TMEM164: variants seen among roughly 807,000 people sequenced by gnomAD.
TMEM164 encodes the protein RP13-360B22.2.
TMEM164 carries 4 observed loss-of-function variants against 18.8 expected under a neutral mutation model. That is an observed-to-expected ratio of 0.21 (90% confidence interval 0.10 to 0.49). The LOEUF is 0.49. Among genes scored for constraint, TMEM164 ranks in the 20% least tolerant of loss-of-function variants. The pLI is 0.98. For synonymous variants in TMEM164, 86 were observed against 101.7 expected (o/e 0.85, Z 0.93); for missense variants, 108 against 239.9 (o/e 0.45, Z 3.63).
Position 110,176,300 on chromosome X carries a change from C to T in TMEM164, c.*2849C>T. 3 of 756,247 alleles carry T rather than the reference C, an allele frequency of 4.0e-6. No homozygotes were observed. Among genetic ancestry groups the T allele is most frequent in the East Asian group, 1.5e-4 (1 of 6,637 alleles). The allele number at this position is 756,247 out of a possible 1,213,427, so 62.3% of individuals were successfully genotyped here. ...AGACCCAGTCACGCCTGCTTCTGGT[C>T]CTCCCTGCCCTCAGTATTTGGTTTT... On this transcript the variant is annotated 3_prime_UTR_variant, in exon 7 of 7. Coordinates refer to ENST00000372068, the MANE Select transcript of TMEM164 (RefSeq NM_032227.4).
rs1344666546 is a variant in TMEM164, at chrX:110,149,145, T to C, written c.586+4269T>C. Among the ~76,000 whole-genome samples, 3 of 110,999 alleles carry C rather than the reference T, an allele frequency of 2.7e-5. No homozygotes were observed. In the Admixed American group the frequency reaches 2.9e-4, roughly 11 times the overall value. ...AGAAGCCCCATAATATCCATGAGAT[T>C]GTGGCTTTGATTTACTGGTTATCTA... On this transcript the variant is annotated intron_variant, in intron 5 of 6. Coordinates refer to ENST00000372068, the MANE Select transcript of TMEM164 (RefSeq NM_032227.4).
At chrX:110,043,517 G>A (rs1935184122) in intron 2 of TMEM164, among the ~76,000 whole-genome samples, 2 of 111,814 alleles carry the variant, frequency 1.8e-5, no homozygotes, top group African/African-American at 3.3e-5. Flanking sequence ...TATAAACAGA[G>A]TAGACTACTT....
At chrX:110,060,266 G>GA (rs140796343) in intron 2 of TMEM164, among the ~76,000 whole-genome samples, 936 of 51,411 alleles carry the variant, frequency 0.018, 28 homozygotes, top group African/African-American at 0.06. Flanking sequence ...GACCCTGTCT[G>GA]AAAAAAAAAA....
intron 3 of TMEM164, among the ~76,000 whole-genome samples, chrX:110,092,323 G>T (rs759244264): frequency 9.0e-6 from 1 of 111,725 alleles, no homozygotes. Flanking sequence ...TCACAATATC[G>T]ATACTTCCTA....
Position 110,004,165 on chromosome X carries a change from G to T in TMEM164, c.390+1G>T. 1 of 1,188,679 alleles carries T rather than the reference G, an allele frequency of 8.4e-7. No homozygotes were observed. On this transcript the variant is annotated splice_donor_variant, in intron 2 of 6. Transcript: ENST00000372068. LOFTEE classifies it high-confidence loss of function. The stretch of plus-strand genomic sequence containing the variant: ...CTGTCACCTGGTCACCATGATGCAT[G>T]TGAGTCTGTTGACTTTTTCCTGGGC...
At chrX:110,021,505 CTGTGTGTGTGTGTTTGTATGTGTG>C (rs905669600) in intron 2 of TMEM164, among the ~76,000 whole-genome samples, 1 of 110,456 alleles carries the variant, frequency 9.1e-6, no homozygotes, top group Admixed American at 9.6e-5. Context: ...AAAAGCAAAT[CTGTGTGTGTGTGTTTGTATGTGTG>C]TGTGTGTGTC....
chrX:110,117,411 G>A (rs1339569280), intron 4 of TMEM164, among the ~76,000 whole-genome samples: 2 of 112,431 alleles, frequency 1.8e-5, no homozygotes, highest in Admixed American at 9.4e-5. Flanking sequence ...AATAGTAGAT[G>A]CTCATGACTA....
intron 4 of TMEM164, among the ~76,000 whole-genome samples, chrX:110,133,185 C>T (rs1334114494): frequency 9.0e-6 from 1 of 111,223 alleles, no homozygotes; most frequent in African/African-American, 3.3e-5. Context: ...GAGTCTTGCT[C>T]TGTCACCCAG....
At chrX:110,022,519 T>G (rs776049630) in intron 2 of TMEM164, among the ~76,000 whole-genome samples, 1 of 111,623 alleles carries the variant, frequency 9.0e-6, no homozygotes, top group East Asian at 2.8e-4. Flanking sequence ...TCACATGATG[T>G]GACAAGGAGC....
intron 2 of TMEM164, among the ~76,000 whole-genome samples, chrX:110,057,417 C>G (rs1432897310): frequency 9.0e-6 from 1 of 111,036 alleles, no homozygotes; most frequent in Non-Finnish European, 1.9e-5. Context: ...GAACATTTAT[C>G]TTGTTTCTAT....
rs752998253 is a variant in TMEM164, at chrX:110,127,083, A to G, written c.508-17715A>G. 2.7e-5 allele frequency among the ~76,000 whole-genome samples: 3 copies of G among 111,096 alleles called. No individual in the cohort carries two copies. The South Asian group carries it at 1.2e-3, about 43-fold the overall frequency. On this transcript the variant is annotated intron_variant, in intron 4 of 6. Coordinates refer to ENST00000372068, the MANE Select transcript of TMEM164 (RefSeq NM_032227.4). ...TGGGCCAAAGGTGCCTTCTGTTTCC[A>G]GTTTTGAGCAAGGGAATGGCAGCTC... is the stretch of plus-strand genomic sequence containing the variant.
At chrX:110,038,192 C>T (rs1019601420) in intron 2 of TMEM164, among the ~76,000 whole-genome samples, 1 of 110,097 alleles carries the variant, frequency 9.1e-6, no homozygotes, top group Admixed American at 9.6e-5. Flanking sequence ...GGGGTTTCAC[C>T]GTTTTAGCCG....
chrX:110,015,715 G>T (rs192644347), intron 2 of TMEM164, among the ~76,000 whole-genome samples: 262 of 111,296 alleles, frequency 2.4e-3, no homozygotes, highest in African/African-American at 8.3e-3. Context: ...GCTTCATGTG[G>T]GTATTTCTAC....
At chrX:110,092,124 G>C (rs1016056599) in intron 3 of TMEM164, among the ~76,000 whole-genome samples, 1 of 112,016 alleles carries the variant, frequency 8.9e-6, no homozygotes, top group African/African-American at 3.2e-5. Context: ...TTGTAGTATA[G>C]TTTGAAGTCA....
At chrX:110,072,529 A>T (rs1230750563) in intron 3 of TMEM164, among the ~76,000 whole-genome samples, 1 of 110,665 alleles carries the variant, frequency 9.0e-6, no homozygotes, top group Non-Finnish European at 1.9e-5. Context: ...TTAGTTGAGC[A>T]TGTAGTATCC....
chrX:110,133,758 A>G (rs562816988), intron 4 of TMEM164, among the ~76,000 whole-genome samples: 76 of 111,651 alleles, frequency 6.8e-4, no homozygotes, highest in African/African-American at 2.2e-3. Context: ...TATTATTATT[A>G]TCCTTAGGCA....
chrX:110,024,482 C>T (rs907774986), intron 2 of TMEM164, among the ~76,000 whole-genome samples: 3 of 111,838 alleles, frequency 2.7e-5, no homozygotes, highest in African/African-American at 9.8e-5. Context: ...CAGGGTCTCA[C>T]TGTGTTGCCC....
At chrX:110,045,286 T>C (rs567879420) in intron 2 of TMEM164, among the ~76,000 whole-genome samples, 2 of 111,970 alleles carry the variant, frequency 1.8e-5, no homozygotes, top group Admixed American at 1.9e-4. Flanking sequence ...ATATGACATA[T>C]TTAGATTCTT....
chrX:110,104,149 CACAA>C (rs747882027), intron 3 of TMEM164, among the ~76,000 whole-genome samples: 21 of 112,032 alleles, frequency 1.9e-4, no homozygotes, highest in Non-Finnish European at 1.5e-4. Context: ...AGCTTATGTA[CACAA>C]ACACTTATAG....
Sources: allele counts gnomAD v4.1 joint callset (sites outside exome capture counted in the v4.1 genomes callset), GRCh38; gene constraint gnomAD v4.1.1; transcripts MANE v1.5; gene names NCBI Gene and HGNC (gene_info 2026-07-23, HGNC 2026-07-21).